The following PHACTR1 variants were observed in gnomAD, a reference collection of about 807,000 sequenced individuals.
PHACTR1 encodes RPEL repeat containing 1.
A neutral mutation model predicts 69.2 loss-of-function variants in PHACTR1; 16 were observed. The ratio of observed to expected loss-of-function variants is 0.23; its 90% CI spans 0.16 to 0.35. The LOEUF (loss-of-function observed/expected upper bound fraction) is 0.35. Among genes scored for constraint, PHACTR1 ranks in the 10% least tolerant of loss-of-function variants. The probability of loss-of-function intolerance (pLI) is 1.00; values close to 1 mark genes in which losing one functional copy is unlikely to be tolerated. For synonymous variants in PHACTR1, 312 were observed against 284.5 expected (o/e 1.10, Z -0.97); for missense variants, 510 against 734.7 (o/e 0.69, Z 3.54).
chr6:13,053,331 T>C, intron 4 of PHACTR1, 34 bp from the exon 5 acceptor site: 1 of 1,566,032 alleles, frequency 6.4e-7, no homozygotes, highest in Non-Finnish European at 8.7e-7. Context: ...TTTTTTTCTC[T>C]CTTTGTTTTC....
chr6:12,938,598 G>A (rs1372909222), intron 4 of PHACTR1, among the ~76,000 whole-genome samples: 3 of 151,946 alleles, frequency 2.0e-5, no homozygotes, highest in African/African-American at 2.4e-5. Flanking sequence ...CATATTTCAG[G>A]CATATAATTT....
At chr6:13,261,642 G>A (rs1775925707) in intron 10 of PHACTR1, among the ~76,000 whole-genome samples, 6 of 152,206 alleles carry the variant, frequency 3.9e-5, no homozygotes. Context: ...AGGTGGCCCT[G>A]GCCTCACAGA....
intron 5 of PHACTR1, among the ~76,000 whole-genome samples, chr6:13,124,526 AAGAC>A (rs1472294191): frequency 5.9e-5 from 9 of 152,210 alleles, no homozygotes; most frequent in Non-Finnish European, 7.3e-5. Flanking sequence ...TTTGGCCACT[AAGAC>A]AGTTCAAAAT....
chr6:12,889,997 G>A (rs895414768), intron 4 of PHACTR1, among the ~76,000 whole-genome samples: 7 of 152,000 alleles, frequency 4.6e-5, no homozygotes, highest in South Asian at 2.1e-4. Context: ...CCCAACCCCC[G>A]GGTCGTGGAC....
intron 4 of PHACTR1, among the ~76,000 whole-genome samples, chr6:13,003,652 G>C (rs917231928): frequency 1.3e-5 from 2 of 151,842 alleles, no homozygotes; most frequent in African/African-American, 2.4e-5. Context: ...ATATTATGGA[G>C]AGGTGAAGCC....
At chr6:13,065,198 C>G (rs1808440742) in intron 5 of PHACTR1, among the ~76,000 whole-genome samples, 1 of 152,086 alleles carries the variant, frequency 6.6e-6, no homozygotes, top group Non-Finnish European at 1.5e-5. Flanking sequence ...TCATCAGCAC[C>G]TGGATGATCA....
chr6:12,747,007 C>A (rs1765860676), intron 3 of PHACTR1, among the ~76,000 whole-genome samples: 1 of 152,184 alleles, frequency 6.6e-6, no homozygotes, highest in Non-Finnish European at 1.5e-5. Context: ...TGGTTTACAG[C>A]CTGTTAGTCC....
At chr6:12,918,727 C>T (rs929994816) in intron 4 of PHACTR1, among the ~76,000 whole-genome samples, 3 of 152,200 alleles carry the variant, frequency 2.0e-5, no homozygotes, top group South Asian at 2.1e-4. Flanking sequence ...CATTGCGACA[C>T]ATTATAAATC....
intron 4 of PHACTR1, among the ~76,000 whole-genome samples, chr6:12,917,210 T>C (rs2127504807): frequency 6.6e-6 from 1 of 152,338 alleles, no homozygotes; most frequent in African/African-American, 2.4e-5. Context: ...TTTATGTTTT[T>C]CAGATCAGCC....
chr6:13,188,830 G>A (rs1005964170), intron 7 of PHACTR1, among the ~76,000 whole-genome samples: 8 of 152,366 alleles, frequency 5.3e-5, no homozygotes, highest in South Asian at 4.1e-4. Context: ...AGGGCCAGGA[G>A]TTGTTGGCAT....
At chr6:13,193,488 A>G (rs1763915283) in intron 7 of PHACTR1, among the ~76,000 whole-genome samples, 1 of 149,920 alleles carries the variant, frequency 6.7e-6, no homozygotes, top group Non-Finnish European at 1.5e-5. Flanking sequence ...CTGGGCTCAA[A>G]TGATCATCCC....
chr6:12,892,296 A>T (rs1445052262), intron 4 of PHACTR1, among the ~76,000 whole-genome samples: 1 of 152,242 alleles, frequency 6.6e-6, no homozygotes, highest in East Asian at 1.9e-4. Flanking sequence ...GACAGTGTCC[A>T]GCTCATTTAT....
chr6:12,920,745 TAAAC>T (rs1333459751), intron 4 of PHACTR1, among the ~76,000 whole-genome samples: 1 of 152,166 alleles, frequency 6.6e-6, no homozygotes, highest in Non-Finnish European at 1.5e-5. Flanking sequence ...AGGAGCAAAA[TAAAC>T]AAAAGAAAGA....
At chr6:12,967,467 A>C (rs1793637927) in intron 4 of PHACTR1, among the ~76,000 whole-genome samples, 2 of 152,236 alleles carry the variant, frequency 1.3e-5, no homozygotes, top group South Asian at 4.1e-4. Context: ...CCCAAATCTG[A>C]AACCCTTCAT....
chr6:13,209,654 G>C (rs200851399), intron 8 of PHACTR1, among the ~76,000 whole-genome samples: 1 of 152,200 alleles, frequency 6.6e-6, no homozygotes, highest in African/African-American at 2.4e-5. Context: ...AAGGGGCCTT[G>C]AAGACCATCC....
At chr6:13,001,929 C>A (rs1798140576) in intron 4 of PHACTR1, among the ~76,000 whole-genome samples, 1 of 152,184 alleles carries the variant, frequency 6.6e-6, no homozygotes, top group Admixed American at 6.5e-5. Flanking sequence ...GTAGTATCAA[C>A]CTGGATTCAA....
In PHACTR1 at chr6:13,182,481, C is replaced by T. The variant is rs369587062; in HGVS notation, c.497-38C>T. 9.4e-6 allele frequency: 15 copies of T among 1,600,956 alleles called. No individual in the cohort carries two copies. The African/African-American group carries it at 1.9e-4, about 20-fold the overall frequency. On this transcript the variant is annotated intron_variant, in intron 6 of 14. Transcript: ENST00000332995. ...GTGCCACTCTTTCTTGAAAGGCAGA[C>T]ATTGTCTAACTCTGCAATCTCCTTT...
intron 4 of PHACTR1, among the ~76,000 whole-genome samples, chr6:12,881,536 C>G (rs942602053): frequency 6.6e-6 from 1 of 152,128 alleles, no homozygotes; most frequent in Non-Finnish European, 1.5e-5. Flanking sequence ...ATTGGCTCTT[C>G]TTATCATTCA....
chr6:12,974,822 G>A (rs1169206927), intron 4 of PHACTR1, among the ~76,000 whole-genome samples: 2 of 152,132 alleles, frequency 1.3e-5, no homozygotes, highest in African/African-American at 2.4e-5. Flanking sequence ...GGGGAAGTAC[G>A]ACAGAAAAGA....
Sources: gnomAD v4.1 joint callset for allele counts (sites outside exome capture counted in the v4.1 genomes callset) on GRCh38, gnomAD v4.1.1 for gene constraint, MANE v1.5 for transcripts, NCBI Gene and HGNC (gene_info 2026-07-23, HGNC 2026-07-21) for gene names.